CNTN4: variants seen among roughly 807,000 people sequenced by gnomAD.
The protein encoded by CNTN4 is contactin-4.
A neutral mutation model predicts 122.5 loss-of-function variants in CNTN4; 77 were observed. That is an observed-to-expected ratio of 0.63 (90% CI 0.52 to 0.76). The LOEUF (loss-of-function observed/expected upper bound fraction) is 0.76, where lower values mean the gene tolerates loss of function less well. Among genes scored for constraint, CNTN4 ranks in the 30% least tolerant of loss-of-function variants. CNTN4 has a pLI of 0.00. For missense variants in CNTN4, 1,256 were observed against 1,259.1 expected, an observed-to-expected ratio of 1.00 and a Z score of 0.04; for synonymous variants, 512 against 447.0, an observed-to-expected ratio of 1.15 and a Z score of -1.83.
At chr3:2,252,129 G>A (rs756347202) in intron 2 of CNTN4, among the ~76,000 whole-genome samples, 3 of 151,950 alleles carry the variant, frequency 2.0e-5, no homozygotes, top group Non-Finnish European at 4.4e-5. Context: ...CTGATTTAAT[G>A]AATGAAGACA....
At chr3:2,232,085 C>G (rs929294876) in intron 2 of CNTN4, among the ~76,000 whole-genome samples, 1 of 152,102 alleles carries the variant, frequency 6.6e-6, no homozygotes, top group Non-Finnish European at 1.5e-5. Flanking sequence ...GAATATGACT[C>G]TCTTCTGAGA....
At chr3:3,034,514 G>A in intron 16 of CNTN4, 118 bp from the exon 17 acceptor site, 1 of 1,108,128 alleles carries the variant, frequency 9.0e-7, no homozygotes, top group Non-Finnish European at 1.4e-6. Flanking sequence ...TTTGACAAGT[G>A]ATGAATCTGT....
intron 6 of CNTN4, among the ~76,000 whole-genome samples, chr3:2,778,232 A>ATAAATAAT (rs1370872992): frequency 6.7e-6 from 1 of 149,812 alleles, no homozygotes; most frequent in African/African-American, 2.4e-5. Context: ...AAATAAATAA[A>ATAAATAAT]TAAATAAATA....
chr3:2,956,637 A>G (rs1301020284), intron 13 of CNTN4, among the ~76,000 whole-genome samples: 2 of 152,132 alleles, frequency 1.3e-5, no homozygotes, highest in African/African-American at 2.4e-5. Context: ...AAAATTAAAT[A>G]TTCAAGGTGT....
chr3:2,247,949 C>T (rs2040218992), intron 2 of CNTN4, among the ~76,000 whole-genome samples: 1 of 151,924 alleles, frequency 6.6e-6, no homozygotes, highest in Admixed American at 6.6e-5. Context: ...ACCTACATGG[C>T]TTGTTTTCTT....
intron 2 of CNTN4, among the ~76,000 whole-genome samples, chr3:2,120,844 A>G (rs1330047574): frequency 1.3e-5 from 2 of 152,158 alleles, no homozygotes; most frequent in African/African-American, 4.8e-5. Flanking sequence ...AGTAATATTA[A>G]TTGAACATTT....
At chr3:2,613,478 AGGTGCTGC>A (rs2081584369) in intron 4 of CNTN4, among the ~76,000 whole-genome samples, 1 of 152,130 alleles carries the variant, frequency 6.6e-6, no homozygotes, top group Non-Finnish European at 1.5e-5. Context: ...TTGATTAGGT[AGGTGCTGC>A]AACATATTTG....
At chr3:2,116,600 G>T (rs1415172687) in intron 2 of CNTN4, among the ~76,000 whole-genome samples, 1 of 152,082 alleles carries the variant, frequency 6.6e-6, no homozygotes, top group Admixed American at 6.5e-5. Context: ...ATTCTTCTAG[G>T]TAGATATAAA....
At position 3,012,235 on chromosome 3, in the gene CNTN4, G is replaced by A. The variant is rs557688132; in HGVS notation, c.1487-13867G>A. Among the ~76,000 whole-genome samples, 7 of 152,130 alleles carry A rather than the reference G, an allele frequency of 4.6e-5. No homozygotes were observed. In the South Asian group the frequency reaches 1.0e-3, roughly 23 times the overall value. ...GTACAGGCATCTATCTTTACACCTGGAAGAGGTTCTTTTACTTAGGATGTC... is the reference window on the plus strand; with the variant it reads ...GTACAGGCATCTATCTTTACACCTGAAAGAGGTTCTTTTACTTAGGATGTC... On this transcript the variant is annotated intron_variant, in intron 14 of 24. Transcript: ENST00000418658.
intron 6 of CNTN4, among the ~76,000 whole-genome samples, chr3:2,789,720 T>A (rs1295350980): frequency 6.6e-6 from 1 of 152,222 alleles, no homozygotes; most frequent in Non-Finnish European, 1.5e-5. Flanking sequence ...CGTGAGCCAT[T>A]GTGCCTGGCC....
rs964821904 is a variant in CNTN4, at chr3:2,985,050, G to A, written c.1359-3295G>A. 4.6e-5 allele frequency among the ~76,000 whole-genome samples: 7 copies of A among 152,188 alleles called. No individual in the cohort carries two copies. The East Asian group carries it at 7.7e-4, about 17-fold the overall frequency. On this transcript the variant is annotated intron_variant, in intron 13 of 24. Transcript: ENST00000418658. ...TCTTTACTGAGCAACTGTTATATGC[G>A]TAGCTGTGATGTGAATGAACAAAAG... is the stretch of plus-strand genomic sequence containing the variant.
chr3:2,695,097 G>T (rs1329017030), intron 4 of CNTN4, among the ~76,000 whole-genome samples: 1 of 152,134 alleles, frequency 6.6e-6, no homozygotes, highest in African/African-American at 2.4e-5. Flanking sequence ...CAGGGGCTGG[G>T]CAAAAAGCAC....
chr3:2,895,761 G>A (rs188527582), intron 10 of CNTN4, among the ~76,000 whole-genome samples: 20 of 152,334 alleles, frequency 1.3e-4, no homozygotes, highest in South Asian at 2.1e-4. Flanking sequence ...GGGGCTGGGC[G>A]CAGTGGCTCA....
chr3:2,240,686 C>T (rs1391525859), intron 2 of CNTN4, among the ~76,000 whole-genome samples: 1 of 151,318 alleles, frequency 6.6e-6, no homozygotes, highest in South Asian at 2.1e-4. Context: ...CTATGTAACT[C>T]ATGTATGAAA....
intron 2 of CNTN4, among the ~76,000 whole-genome samples, chr3:2,122,633 T>C (rs1281612751): frequency 6.6e-6 from 1 of 152,232 alleles, no homozygotes; most frequent in Non-Finnish European, 1.5e-5. Context: ...GGAATTTTTT[T>C]GGTCAAAAAT....
chr3:2,118,990 A>G (rs2033549563), intron 2 of CNTN4, among the ~76,000 whole-genome samples: 1 of 152,220 alleles, frequency 6.6e-6, no homozygotes, highest in South Asian at 2.1e-4. Context: ...CTAGGTCTGG[A>G]TATTTGGTCA....
chr3:2,547,058 A>T (rs1172415637), intron 3 of CNTN4, among the ~76,000 whole-genome samples: 1 of 152,044 alleles, frequency 6.6e-6, no homozygotes, highest in Non-Finnish European at 1.5e-5. Context: ...TTAGCCACAG[A>T]TTCGATGTAG....
intron 3 of CNTN4, among the ~76,000 whole-genome samples, chr3:2,570,366 G>A (rs764457800): frequency 4.0e-5 from 6 of 151,716 alleles, no homozygotes; most frequent in Admixed American, 6.6e-5. Context: ...CGTAAAGGTG[G>A]GGGTCTCGCT....
chr3:2,736,302 T>C lies in CNTN4; in HGVS notation c.143T>C (p.Leu48Pro). 3.1e-6 allele frequency: 5 copies of C among 1,613,800 alleles called. No homozygotes were observed. Among genetic ancestry groups the C allele is most frequent in the Non-Finnish European group, 4.2e-6 (5 of 1,179,834 alleles). The change falls in exon 5 of 25, where the codon CTC becomes CCC. Residue 48 changes from leucine to proline, a missense_variant. Physicochemically the swap from Leu to Pro is moderately conservative, Grantham distance 98. Transcript: ENST00000418658. Reference protein sequence around the residue: ...PLDSEEKKVKLNCEVKGNPKP... With the variant: ...PLDSEEKKVKPNCEVKGNPKP... ...GATTCTGAGGAGAAAAAAGTGAAGC[T>C]CAATTGTGAAGTTAAAGGAAATCCA...
Sources: gnomAD v4.1 joint callset for allele counts (sites outside exome capture counted in the v4.1 genomes callset) on GRCh38, gnomAD v4.1.1 for gene constraint, MANE v1.5 for transcripts, NCBI Gene and HGNC (gene_info 2026-07-23, HGNC 2026-07-21) for gene names.